The following RIT2 variants were observed in gnomAD, a reference collection of about 807,000 sequenced individuals.
RIT2 encodes Ras like without CAAX 2, also known as GTP-binding protein Rit2.
A neutral mutation model predicts 23.7 loss-of-function variants in RIT2; 24 were observed. The observed-to-expected ratio is 1.01, with a 90% CI of 0.73 to 1.43. The LOEUF is 1.43. RIT2 is among the 40% of genes most tolerant of loss of function. The pLI is 0.00. For synonymous variants in RIT2, 107 were observed against 91.1 expected (o/e 1.17, Z -0.99); for missense variants, 236 against 266.9 (o/e 0.88, Z 0.81).
intron 4 of RIT2, among the ~76,000 whole-genome samples, chr18:42,752,489 C>T (rs1913069001): frequency 6.6e-6 from 1 of 152,046 alleles, no homozygotes; most frequent in Non-Finnish European, 1.5e-5. Flanking sequence ...TAAGAAATGG[C>T]TCAAGGTCAC....
At chr18:43,092,637 C>T (rs750654594) in intron 1 of RIT2, among the ~76,000 whole-genome samples, 1 of 152,010 alleles carries the variant, frequency 6.6e-6, no homozygotes, top group East Asian at 1.9e-4. Context: ...ACTGAGAGGA[C>T]CATGGTTGCC....
At chr18:42,938,223 G>C (rs1486639616) in intron 3 of RIT2, among the ~76,000 whole-genome samples, 1 of 152,140 alleles carries the variant, frequency 6.6e-6, no homozygotes, top group Non-Finnish European at 1.5e-5. Flanking sequence ...GTGTGGCCAA[G>C]GGGATAAAAT....
intron 3 of RIT2, among the ~76,000 whole-genome samples, chr18:42,938,622 A>C (rs1375185243): frequency 6.6e-6 from 1 of 152,184 alleles, no homozygotes; most frequent in Non-Finnish European, 1.5e-5. Context: ...CAATGTTAGA[A>C]TTGAAGAAAG....
intron 1 of RIT2, among the ~76,000 whole-genome samples, chr18:43,102,273 A>G (rs1318255225): frequency 6.6e-6 from 1 of 152,172 alleles, no homozygotes; most frequent in Non-Finnish European, 1.5e-5. Context: ...AATCTACCTC[A>G]GTTTTTCTTA....
At chr18:42,987,897 T>C (rs1015614495) in intron 2 of RIT2, among the ~76,000 whole-genome samples, 1 of 152,080 alleles carries the variant, frequency 6.6e-6, no homozygotes, top group Non-Finnish European at 1.5e-5. Flanking sequence ...AGCAAGAGCC[T>C]TGTGGGAACT....
intron 1 of RIT2, among the ~76,000 whole-genome samples, chr18:43,037,842 T>C (rs1912016072): frequency 6.6e-6 from 1 of 152,138 alleles, no homozygotes; most frequent in Admixed American, 6.5e-5. Flanking sequence ...GTTTGGTCTG[T>C]TTTTCTGGAG....
intron 4 of RIT2, among the ~76,000 whole-genome samples, chr18:42,813,838 G>A (rs1040129463): frequency 4.6e-5 from 7 of 152,308 alleles, no homozygotes; most frequent in South Asian, 2.1e-4. Context: ...ACCCACAGAC[G>A]CTCTGAAGGA....
At chr18:42,942,695 G>T (rs922399415) in intron 3 of RIT2, among the ~76,000 whole-genome samples, 1 of 152,054 alleles carries the variant, frequency 6.6e-6, no homozygotes, top group African/African-American at 2.4e-5. Context: ...GTAAGTGTGG[G>T]TGTGAGTGTG....
intron 4 of RIT2, among the ~76,000 whole-genome samples, chr18:42,841,431 T>C (rs890233769): frequency 1.1e-4 from 17 of 152,234 alleles, no homozygotes; most frequent in Non-Finnish European, 1.9e-4. Flanking sequence ...TAAAGAGCTA[T>C]GATAAATTTA....
chr18:43,045,777 G>A (rs1409029419), intron 1 of RIT2, among the ~76,000 whole-genome samples: 6 of 151,964 alleles, frequency 3.9e-5, no homozygotes, highest in Non-Finnish European at 8.8e-5. Flanking sequence ...TCATGAATGT[G>A]TTTGGCTTCC....
intron 4 of RIT2, among the ~76,000 whole-genome samples, chr18:42,829,842 A>G (rs895557570): frequency 3.3e-5 from 5 of 152,210 alleles, no homozygotes; most frequent in Non-Finnish European, 5.9e-5. Context: ...TATAATTTAG[A>G]GGATTAAAAG....
intron 4 of RIT2, among the ~76,000 whole-genome samples, chr18:42,779,925 C>T (rs1413621884): frequency 2.0e-5 from 3 of 151,318 alleles, no homozygotes; most frequent in Non-Finnish European, 4.4e-5. Flanking sequence ...AGAGAATAGT[C>T]AATTTTGCTA....
At chr18:43,105,457 G>GGAGGAAGGGAGGAAGA (rs760679641) in intron 1 of RIT2, among the ~76,000 whole-genome samples, 1 of 104,914 alleles carries the variant, frequency 9.5e-6, no homozygotes, top group African/African-American at 3.4e-5. Context: ...AAAAAGGAAG[G>GGAGGAAGGGAGGAAGA]GAGGAAGGGA....
At position 43,115,627 on chromosome 18, in the gene RIT2, C is replaced by T. The variant is rs1050534247; in HGVS notation, c.-108G>A. 5 of 1,450,862 alleles carry T rather than the reference C, an allele frequency of 3.4e-6. No homozygotes were observed. Among genetic ancestry groups the T allele is most frequent in the South Asian group, 2.9e-5 (2 of 69,920 alleles). 89.9% of individuals were successfully genotyped at this position (1,450,862 alleles called of 1,614,324 possible). ...CTGTGTCAAAGCAAAGGTTTTAGTA[C>T]GAGGTAAGAACCATCAGCGTCGGGC... On this transcript the variant is annotated 5_prime_UTR_variant, in exon 1 of 5. Coordinates refer to ENST00000326695, the MANE Select transcript of RIT2 (RefSeq NM_002930.4).
chr18:42,868,650 T>TCCTC (rs1907535986), intron 4 of RIT2, among the ~76,000 whole-genome samples: 1 of 152,216 alleles, frequency 6.6e-6, no homozygotes, highest in African/African-American at 2.4e-5. Flanking sequence ...GGAGGTGGAA[T>TCCTC]ATACATGAGA....
chr18:42,841,609 T>C (rs2144024484), intron 4 of RIT2, among the ~76,000 whole-genome samples: 1 of 152,312 alleles, frequency 6.6e-6, no homozygotes, highest in African/African-American at 2.4e-5. Flanking sequence ...TTGCATACCC[T>C]AAGCTTATAT....
intron 4 of RIT2, among the ~76,000 whole-genome samples, chr18:42,841,238 T>C (rs1906759893): frequency 6.6e-6 from 1 of 152,298 alleles, no homozygotes; most frequent in East Asian, 1.9e-4. Flanking sequence ...CTAACAGATA[T>C]TTTCCTTTCT....
chr18:42,887,779 A>AAT (rs1406051193), intron 4 of RIT2, among the ~76,000 whole-genome samples: 2 of 152,206 alleles, frequency 1.3e-5, no homozygotes, highest in African/African-American at 4.8e-5. Context: ...ACAGTAGGTG[A>AAT]ATAAACAAAC....
chr18:42,790,109 A>G (rs1914009105), intron 4 of RIT2, among the ~76,000 whole-genome samples: 1 of 152,138 alleles, frequency 6.6e-6, no homozygotes, highest in African/African-American at 2.4e-5. Flanking sequence ...AATTTTGTTT[A>G]TGTGATGTAG....
Sources: gnomAD v4.1 joint callset for allele counts (sites outside exome capture counted in the v4.1 genomes callset) on GRCh38, gnomAD v4.1.1 for gene constraint, MANE v1.5 for transcripts, NCBI Gene and HGNC (gene_info 2026-07-23, HGNC 2026-07-21) for gene names.